The following ASPH variants were observed in gnomAD, a reference collection of about 807,000 sequenced individuals.
The protein encoded by ASPH is aspartate beta-hydroxylase, also known as aspartyl/asparaginyl beta-hydroxylase.
Under a neutral mutation model 118.4 loss-of-function variants are expected in ASPH, and 100 were observed. That is an observed-to-expected ratio of 0.84 (90% CI 0.72 to 1.00). ASPH has a LOEUF of 1.00. Among genes scored for constraint, ASPH ranks in the 50% least tolerant of loss-of-function variants. ASPH has a pLI of 0.00. For synonymous variants in ASPH, 315 were observed against 325.6 expected (o/e 0.97, Z 0.35); for missense variants, 920 against 919.5 (o/e 1.00, Z -0.01).
Position 61,714,280 on chromosome 8 carries a change from C to G in ASPH, c.92G>C (p.Gly31Ala). Reference protein sequence around the residue: ...GSTSAGSSSPGARRETKHGGH... With the variant: ...GSTSAGSSSPAARRETKHGGH... Reference sequence around the variant, plus strand: ...GCAGGGCCTCTGACCTCTCCGGGCCCCGGGGCTGCTGCTGCCCGCACTCGT... The same window carrying G: ...GCAGGGCCTCTGACCTCTCCGGGCCGCGGGGCTGCTGCTGCCCGCACTCGT... The change falls in exon 1 of 25, where the codon GGG (glycine) becomes GCG (alanine). Residue 31 changes from glycine to alanine, a missense_variant. Gly to Ala is a moderately conservative substitution (Grantham distance 60). Coordinates refer to ENST00000379454, the MANE Select transcript of ASPH (RefSeq NM_004318.4). 6.6e-7 allele frequency: 1 copy of G among 1,518,032 alleles called. No homozygotes were observed. Among genetic ancestry groups the G allele is most frequent in the Non-Finnish European group, 8.8e-7 (1 of 1,135,462 alleles). 94.0% of individuals were successfully genotyped at this position (1,518,032 alleles called of 1,614,324 possible). A position where few individuals can be genotyped will look rare whatever the true frequency, so the allele number is the denominator to read the frequency against.
chr8:61,692,509 T>C (rs546203774), intron 1 of ASPH, among the ~76,000 whole-genome samples: 1 of 152,132 alleles, frequency 6.6e-6, no homozygotes, highest in African/African-American at 2.4e-5. Flanking sequence ...TCTGAGACCA[T>C]TAGTATCAGC....
chr8:61,533,966 A>G (rs1818523757), intron 21 of ASPH, among the ~76,000 whole-genome samples: 1 of 152,058 alleles, frequency 6.6e-6, no homozygotes, highest in Non-Finnish European at 1.5e-5. Context: ...TATTTTTTTG[A>G]GACAGAGTTT....
intron 14 of ASPH, among the ~76,000 whole-genome samples, chr8:61,608,644 A>C (rs1301006813): frequency 6.6e-5 from 10 of 152,218 alleles, no homozygotes; most frequent in Non-Finnish European, 2.9e-5. Flanking sequence ...GATACCAATA[A>C]AAATTTTTAG....
chr8:61,676,701 G>A lies in ASPH; in HGVS notation c.322+4267C>T, dbSNP rs114165120. On this transcript the variant is annotated intron_variant, in intron 3 of 24. Transcript: ENST00000379454. The stretch of plus-strand genomic sequence containing the variant: ...TCAGGGAAAAAAAGATATATACTCT[G>A]ACAACCTCCAGATTTGCTCATTTAC... Among the ~76,000 whole-genome samples, 833 of 152,202 alleles carry A rather than the reference G, an allele frequency of 5.5e-3. 9 individuals are homozygous for A. Among genetic ancestry groups the A allele is most frequent in the African/African-American group, 0.019 (782 of 41,526 alleles).
At chr8:61,662,822 T>G in intron 3 of ASPH, 1 of 981,812 alleles carries the variant, frequency 1.0e-6, no homozygotes, top group Non-Finnish European at 1.2e-6. Flanking sequence ...AGCCAAAACA[T>G]TTCAAAGTAC....
chr8:61,549,938 A>G (rs551313869), intron 20 of ASPH, among the ~76,000 whole-genome samples: 2 of 152,238 alleles, frequency 1.3e-5, no homozygotes, highest in Non-Finnish European at 2.9e-5. Context: ...AGCCCTCGAC[A>G]TGCTAGATGT....
chr8:61,536,888 G>A (rs1449286356), intron 21 of ASPH, among the ~76,000 whole-genome samples: 1 of 152,166 alleles, frequency 6.6e-6, no homozygotes, highest in Non-Finnish European at 1.5e-5. Flanking sequence ...TCTGGCTACT[G>A]ACTGTGAATT....
At chr8:61,577,399 C>CAAAAAAAAGA (rs1835607281) in intron 15 of ASPH, among the ~76,000 whole-genome samples, 1 of 23,290 alleles carries the variant, frequency 4.3e-5, no homozygotes, top group Non-Finnish European at 7.3e-5. Flanking sequence ...CCCAATCTCG[C>CAAAAAAAAGA]AAAAAAAAAA....
At chr8:61,560,288 G>GC (rs1829357221) in intron 18 of ASPH, among the ~76,000 whole-genome samples, 1 of 152,128 alleles carries the variant, frequency 6.6e-6, no homozygotes, top group African/African-American at 2.4e-5. Context: ...CCCAGGAGGG[G>GC]CCGCAAAAAG....
chr8:61,690,911 G>C (rs911880399), intron 1 of ASPH, among the ~76,000 whole-genome samples: 3 of 152,038 alleles, frequency 2.0e-5, no homozygotes, highest in Non-Finnish European at 4.4e-5. Flanking sequence ...ATCCGTCTGA[G>C]AGTGTGTGTG....
chr8:61,630,812 TA>T (rs1217167166), intron 13 of ASPH, among the ~76,000 whole-genome samples: 2 of 152,056 alleles, frequency 1.3e-5, no homozygotes, highest in Non-Finnish European at 2.9e-5. Flanking sequence ...TCTTACTTGT[TA>T]AAAAAAAGTT....
At chr8:61,592,857 T>C (rs1841542829) in intron 14 of ASPH, among the ~76,000 whole-genome samples, 1 of 152,224 alleles carries the variant, frequency 6.6e-6, no homozygotes, top group South Asian at 2.1e-4. Flanking sequence ...AACATCACTC[T>C]ACATTTGTCT....
intron 21 of ASPH, among the ~76,000 whole-genome samples, chr8:61,544,936 G>C (rs1247329127): frequency 6.6e-6 from 1 of 152,170 alleles, no homozygotes; most frequent in Admixed American, 6.5e-5. Flanking sequence ...AAAGGAATTG[G>C]CTGTGAAGGA....
At chr8:61,516,015 G>C (rs982566523) in intron 24 of ASPH, among the ~76,000 whole-genome samples, 2 of 152,182 alleles carry the variant, frequency 1.3e-5, no homozygotes, top group African/African-American at 4.8e-5. Context: ...GGGATTCAAA[G>C]CCTCCTATGA....
intron 2 of ASPH, among the ~76,000 whole-genome samples, chr8:61,682,749 CA>C (rs1278222549): frequency 6.6e-6 from 1 of 152,058 alleles, no homozygotes. Context: ...TTCCTACAGC[CA>C]AAAATTTGTT....
At chr8:61,697,329 G>T (rs1176585466) in intron 1 of ASPH, among the ~76,000 whole-genome samples, 2 of 152,166 alleles carry the variant, frequency 1.3e-5, no homozygotes, top group South Asian at 2.1e-4. Context: ...TATTCCTGCA[G>T]CCCCTGGTCA....
intron 1 of ASPH, among the ~76,000 whole-genome samples, chr8:61,685,496 A>G (rs1009235029): frequency 3.9e-5 from 6 of 152,100 alleles, no homozygotes; most frequent in Non-Finnish European, 5.9e-5. Flanking sequence ...AAATTACACG[A>G]TTTCAAAAAA....
chr8:61,659,645 T>C (rs943440798), intron 3 of ASPH: 2 of 152,242 alleles, frequency 1.3e-5, no homozygotes, highest in South Asian at 2.1e-4. Context: ...TATACAATTA[T>C]ATTCTTAGGC....
intron 1 of ASPH, among the ~76,000 whole-genome samples, chr8:61,699,283 T>C (rs909826668): frequency 2.6e-5 from 4 of 152,218 alleles, no homozygotes; most frequent in African/African-American, 9.6e-5. Flanking sequence ...TACAGATCAG[T>C]AAAAATTTCA....
Sources: allele counts gnomAD v4.1 joint callset (sites outside exome capture counted in the v4.1 genomes callset), GRCh38; gene constraint gnomAD v4.1.1; transcripts MANE v1.5; gene names NCBI Gene and HGNC (gene_info 2026-07-23, HGNC 2026-07-21).